The following GTF2E2 variants were observed in gnomAD, a reference collection of about 807,000 sequenced individuals.
The protein encoded by GTF2E2 is transcription initiation factor IIE subunit beta.
In GTF2E2, 21 loss-of-function variants were observed where a neutral mutation model predicts 40.5. That is an observed-to-expected ratio of 0.52 (90% CI 0.37 to 0.75). The LOEUF is 0.75. Among genes scored for constraint, GTF2E2 ranks in the 30% least tolerant of loss-of-function variants. The probability of loss-of-function intolerance (pLI) is 0.00; values close to 1 mark genes in which losing one functional copy is unlikely to be tolerated. For synonymous variants in GTF2E2, 117 were observed against 121.6 expected (o/e 0.96, Z 0.25); for missense variants, 298 against 338.4 (o/e 0.88, Z 0.94).
At chr8:30,629,561 C>T (rs552849133) in intron 3 of GTF2E2, among the ~76,000 whole-genome samples, 4 of 151,848 alleles carry the variant, frequency 2.6e-5, no homozygotes, top group Admixed American at 6.6e-5. Context: ...TGGTGGCAGG[C>T]GCCTGTAGTC....
At chr8:30,650,647 G>A (rs528433439) in intron 2 of GTF2E2, among the ~76,000 whole-genome samples, 64 of 151,892 alleles carry the variant, frequency 4.2e-4, no homozygotes, top group Non-Finnish European at 5.0e-4. Flanking sequence ...AGTGAGCCAT[G>A]ATCACGCCAG....
chr8:30,590,515 G>A (rs1408719182), intron 6 of GTF2E2, among the ~76,000 whole-genome samples: 7 of 152,044 alleles, frequency 4.6e-5, no homozygotes, highest in Non-Finnish European at 1.0e-4. Flanking sequence ...AAAGGACACT[G>A]GACCCACGTC....
intron 2 of GTF2E2, among the ~76,000 whole-genome samples, chr8:30,651,515 G>C (rs1337491689): frequency 6.6e-6 from 1 of 152,142 alleles, no homozygotes; most frequent in African/African-American, 2.4e-5. Context: ...AACACTCTGG[G>C]AGGCTGAGGT....
At chr8:30,645,548 T>C (rs1438971402) in intron 2 of GTF2E2, 3 of 1,535,656 alleles carry the variant, frequency 2.0e-6, no homozygotes, top group African/African-American at 1.4e-5. Flanking sequence ...CCCAACCCTC[T>C]TAGAAGTATG....
rs776261279 is a variant in GTF2E2 at position 30,612,458 on chromosome 8, A to C, written c.390T>G (p.Ile130Met). The change falls in exon 5 of 8, where the codon ATT (isoleucine) becomes ATG (methionine). Residue 130 changes from isoleucine to methionine, a missense_variant. By Grantham distance (10) the Ile-to-Met change is conservative (BLOSUM62 1). Coordinates refer to ENST00000355904, the MANE Select transcript of GTF2E2 (RefSeq NM_002095.6). ...AAGCATACTTCCCATCTATTACTTCAATTTTGGGATTGTTGACTAAAGCCT... is the reference window on the plus strand; with the variant it reads ...AAGCATACTTCCCATCTATTACTTCCATTTTGGGATTGTTGACTAAAGCCT... ...MTEALVNNPK[I>M]EVIDGKYAFK... 1 of 1,610,706 alleles carries C rather than the reference A, an allele frequency of 6.2e-7. No individual in the cohort carries two copies. The highest frequency in any genetic ancestry group is 1.3e-5 in the African/African-American group (1 of 74,786).
intron 6 of GTF2E2, among the ~76,000 whole-genome samples, chr8:30,602,169 C>A (rs1459520276): frequency 6.6e-6 from 1 of 152,044 alleles, no homozygotes; most frequent in East Asian, 1.9e-4. Flanking sequence ...AGACACGCAC[C>A]AGCATGTCCG....
intron 3 of GTF2E2, among the ~76,000 whole-genome samples, chr8:30,631,834 G>A (rs761480495): frequency 3.8e-4 from 58 of 152,264 alleles, no homozygotes; most frequent in Non-Finnish European, 2.8e-4. Flanking sequence ...AGTGGCTCAC[G>A]CCTGTAATCC....
chr8:30,649,787 G>A (rs1040173247), intron 2 of GTF2E2, among the ~76,000 whole-genome samples: 7 of 151,946 alleles, frequency 4.6e-5, no homozygotes, highest in African/African-American at 1.7e-4. Context: ...AAAATGAGAG[G>A]GGATATCACT....
intron 3 of GTF2E2, among the ~76,000 whole-genome samples, chr8:30,616,129 C>T (rs1800912033): frequency 6.6e-6 from 1 of 152,120 alleles, no homozygotes; most frequent in Middle Eastern, 3.2e-3. Flanking sequence ...AGGCAAAAAC[C>T]ATGGAGACAA....
chr8:30,607,241 T>C, intron 5 of GTF2E2, 91 bp from the exon 6 acceptor site: 1 of 539,674 alleles, frequency 1.9e-6, no homozygotes, highest in East Asian at 3.1e-5. Context: ...GAGTTTCATT[T>C]CCTTAACACA....
intron 3 of GTF2E2, among the ~76,000 whole-genome samples, chr8:30,615,322 C>T (rs1465967409): frequency 6.6e-6 from 1 of 151,982 alleles, no homozygotes; most frequent in Admixed American, 6.6e-5. Context: ...AAGACAGAAA[C>T]GCGCAGATTG....
chr8:30,615,323 G>A (rs28725404), intron 3 of GTF2E2, among the ~76,000 whole-genome samples: 3,955 of 151,988 alleles, frequency 0.026, 191 homozygotes, highest in African/African-American at 0.091. Flanking sequence ...AGACAGAAAC[G>A]CGCAGATTGC....
chr8:30,605,467 T>C (rs1829293757), intron 6 of GTF2E2, among the ~76,000 whole-genome samples: 1 of 152,008 alleles, frequency 6.6e-6, no homozygotes. Flanking sequence ...AGAAAGGGAC[T>C]GCAGCTAGAG....
At chr8:30,596,667 T>C (rs1829015805) in intron 6 of GTF2E2, among the ~76,000 whole-genome samples, 1 of 149,944 alleles carries the variant, frequency 6.7e-6, no homozygotes, top group Non-Finnish European at 1.5e-5. Flanking sequence ...TAGTGTGTTG[T>C]TCTTCCTTCC....
chr8:30,654,823 A>T (rs907719953), intron 1 of GTF2E2, among the ~76,000 whole-genome samples: 30 of 152,366 alleles, frequency 2.0e-4, no homozygotes, highest in African/African-American at 7.2e-4. Context: ...AGGTGGATTT[A>T]GGCTCACTGC....
intron 6 of GTF2E2, among the ~76,000 whole-genome samples, chr8:30,594,630 G>A (rs1253299288): frequency 1.3e-5 from 2 of 151,726 alleles, no homozygotes; most frequent in African/African-American, 2.4e-5. Flanking sequence ...GGCCGAGGTG[G>A]GAAGATCGCC....
At chr8:30,587,413 T>TA (rs950606542) in intron 6 of GTF2E2, among the ~76,000 whole-genome samples, 12 of 142,104 alleles carry the variant, frequency 8.4e-5, no homozygotes, top group Non-Finnish European at 1.7e-4. Flanking sequence ...ACGCTGCCTC[T>TA]AAAAAAGAAA....
intron 2 of GTF2E2, 43 bp downstream of exon 2, chr8:30,653,387 GAAT>G (rs781506456): frequency 2.0e-5 from 30 of 1,472,880 alleles, no homozygotes; most frequent in African/African-American, 2.8e-5. Flanking sequence ...GTTTCCTCCT[GAAT>G]AATCTGAATA....
intron 6 of GTF2E2, among the ~76,000 whole-genome samples, chr8:30,601,362 A>G (rs1442687745): frequency 2.6e-5 from 4 of 152,218 alleles, no homozygotes; most frequent in African/African-American, 9.6e-5. Context: ...CCTCTATTCT[A>G]TCAACATAAA....
Sources: allele counts gnomAD v4.1 joint callset (sites outside exome capture counted in the v4.1 genomes callset), GRCh38; gene constraint gnomAD v4.1.1; transcripts MANE v1.5; gene names NCBI Gene and HGNC (gene_info 2026-07-23, HGNC 2026-07-21).